ANK2: variants seen among roughly 807,000 people sequenced by gnomAD.
The protein encoded by ANK2 is ankyrin 2.
In ANK2, 83 loss-of-function variants were observed where a neutral mutation model predicts 360.5. That is an observed-to-expected ratio of 0.23 (90% confidence interval 0.19 to 0.28). The LOEUF is 0.28. ANK2 is among the 10% of genes least tolerant of loss of function. ANK2 has a pLI of 1.00. For synonymous variants in ANK2, 1,740 were observed against 1,759.5 expected, an observed-to-expected ratio of 0.99 and a Z score of 0.28; for missense variants, 4,201 against 4,795.7, an observed-to-expected ratio of 0.88 and a Z score of 3.66.
In ANK2 at chr4:113,072,617, T is replaced by G. The variant is rs75744114; in HGVS notation, c.84+22805T>G. On this transcript the variant is annotated intron_variant, in intron 1 of 45. Coordinates refer to ENST00000357077, the MANE Select transcript of ANK2 (RefSeq NM_001148.6). ...GTGTGAGAGCACCTCAGTTAAATTG[T>G]GTACGGAGGTTCTGAATTGTTTAGG... Among the ~76,000 whole-genome samples the G allele has an allele frequency of 2.6e-5, 4 of 152,300 alleles. No individual in the cohort carries two copies. In the East Asian group the frequency reaches 7.7e-4, roughly 29 times the overall value.
At chr4:112,974,112 C>T (rs1434533402) in intron 2 of ANK2, among the ~76,000 whole-genome samples, 2 of 152,144 alleles carry the variant, frequency 1.3e-5, no homozygotes, top group African/African-American at 4.8e-5. Flanking sequence ...GACCCATCTG[C>T]TGGGAGTTTG....
At chr4:112,750,846 G>C in the ANK2 span, among the ~76,000 whole-genome samples, 15,148 of 152,000 alleles carry the variant, frequency 0.1, 938 homozygotes, top group Middle Eastern at 0.15. Context: ...TCCTGCCTCA[G>C]CTTCCCGAGT....
intron 23 of ANK2, among the ~76,000 whole-genome samples, chr4:113,303,814 G>A (rs1402768543): frequency 6.6e-6 from 1 of 152,148 alleles, no homozygotes; most frequent in Non-Finnish European, 1.5e-5. Flanking sequence ...ACATGAAAAT[G>A]TATGTTTGAA....
At chr4:112,840,240 C>G (rs2061815666) in intron 1 of ANK2, among the ~76,000 whole-genome samples, 2 of 152,180 alleles carry the variant, frequency 1.3e-5, no homozygotes, top group African/African-American at 4.8e-5. Context: ...GTATTTTCAT[C>G]TGATGACTCT....
intron 2 of ANK2, among the ~76,000 whole-genome samples, chr4:112,910,061 A>C (rs1022440596): frequency 6.6e-6 from 1 of 152,254 alleles, no homozygotes; most frequent in African/African-American, 2.4e-5. Flanking sequence ...TAGAATAAGC[A>C]TAAGTTTCTA....
chr4:113,350,400 A>G (rs1439166976), intron 37 of ANK2, 151 bp downstream of exon 37: 1 of 638,190 alleles, frequency 1.6e-6, no homozygotes, highest in East Asian at 2.9e-5. Context: ...TTATAAAAGC[A>G]GCTTGGCCAG....
chr4:113,128,531 C>A (rs2095807140), intron 1 of ANK2, among the ~76,000 whole-genome samples: 1 of 152,110 alleles, frequency 6.6e-6, no homozygotes, highest in Admixed American at 6.5e-5. Context: ...ACTCTGTCAC[C>A]AGGGCTGGAG....
chr4:112,808,982 C>T, the ANK2 span, among the ~76,000 whole-genome samples: 2 of 151,866 alleles, frequency 1.3e-5, no homozygotes, highest in African/African-American at 2.4e-5. Context: ...CATCAGCCTC[C>T]GGAGTAGCTG....
Position 113,295,119 on chromosome 4 carries a change from T to C in ANK2, c.2475+1581T>C, listed in dbSNP as rs959851358. On this transcript the variant is annotated intron_variant, in intron 22 of 45. Coordinates refer to ENST00000357077, the MANE Select transcript of ANK2 (RefSeq NM_001148.6). ...TGGCAAGCTTGTATCTCTTGCTATC[T>C]TGTACCTACTTTGCTTCCATTCATT... 3.7e-4 allele frequency among the ~76,000 whole-genome samples: 57 copies of C among 152,210 alleles called. 1 individual carries two copies. The highest frequency in any genetic ancestry group is 1.3e-3 in the African/African-American group (54 of 41,460).
intron 1 of ANK2, among the ~76,000 whole-genome samples, chr4:112,834,390 G>A (rs1416539893): frequency 6.6e-6 from 1 of 152,144 alleles, no homozygotes; most frequent in East Asian, 1.9e-4. Flanking sequence ...GGAAGGAATA[G>A]CTTGAACCAA....
rs373195245 is a variant in ANK2, at chr4:113,351,908, A to G, written c.4427-1137A>G. On this transcript the variant is annotated intron_variant, in intron 37 of 45. Transcript: ENST00000357077. The stretch of plus-strand genomic sequence containing the variant: ...TCTAAAGAAGTGCTCTGTGGAAGGG[A>G]CTCTTACCTGAAGTCTTTTTATCAG... 3.9e-5 allele frequency among the ~76,000 whole-genome samples: 6 copies of G among 152,050 alleles called. No individual in the cohort carries two copies. In the East Asian group the frequency reaches 5.8e-4, roughly 15 times the overall value.
chr4:112,748,993 G>A, the ANK2 span, among the ~76,000 whole-genome samples: 8 of 152,142 alleles, frequency 5.3e-5, no homozygotes, highest in African/African-American at 1.4e-4. Context: ...TCTGCCTTCC[G>A]GGTTCAAGCC....
chr4:113,043,872 CTCTGGGATTGTGATTCTATAGA>C (rs1323139453), intron 2 of ANK2, among the ~76,000 whole-genome samples: 1 of 152,076 alleles, frequency 6.6e-6, no homozygotes, highest in Non-Finnish European at 1.5e-5. Context: ...ACAGAAGCTG[CTCTGGGATTGTGATTCTATAGA>C]TCTGGCAGGC....
At chr4:113,132,275 C>A (rs964530563) in intron 1 of ANK2, among the ~76,000 whole-genome samples, 11 of 152,082 alleles carry the variant, frequency 7.2e-5, no homozygotes, top group African/African-American at 2.7e-4. Context: ...ATGTATTTAT[C>A]AAAATGCATT....
At chr4:113,261,098 A>G (rs1488815482) in intron 13 of ANK2, among the ~76,000 whole-genome samples, 1 of 152,180 alleles carries the variant, frequency 6.6e-6, no homozygotes, top group Non-Finnish European at 1.5e-5. Context: ...TTTGGACATG[A>G]GCATACCCAT....
intron 2 of ANK2, among the ~76,000 whole-genome samples, chr4:112,991,355 T>C (rs1285377925): frequency 2.6e-5 from 4 of 152,128 alleles, no homozygotes; most frequent in Non-Finnish European, 5.9e-5. Flanking sequence ...TGCAAAAGCT[T>C]GGGGTATCAT....
intron 1 of ANK2, among the ~76,000 whole-genome samples, chr4:113,079,755 C>G (rs552682746): frequency 6.6e-6 from 1 of 152,112 alleles, no homozygotes; most frequent in Non-Finnish European, 1.5e-5. Flanking sequence ...CACGTGGGCT[C>G]TCTTCTTACT....
chr4:112,771,479 A>G, the ANK2 span, among the ~76,000 whole-genome samples: 1 of 152,204 alleles, frequency 6.6e-6, no homozygotes. Context: ...AGACCAAAAG[A>G]AATAATTAGA....
At chr4:112,897,297 C>T (rs891474580) in intron 1 of ANK2, among the ~76,000 whole-genome samples, 3 of 152,106 alleles carry the variant, frequency 2.0e-5, no homozygotes, top group African/African-American at 7.2e-5. Context: ...GCCAATATTC[C>T]CTTTCTTTGT....
Sources: gnomAD v4.1 joint callset for allele counts (sites outside exome capture counted in the v4.1 genomes callset) on GRCh38, gnomAD v4.1.1 for gene constraint, MANE v1.5 for transcripts, NCBI Gene and HGNC (gene_info 2026-07-23, HGNC 2026-07-21) for gene names.